E2F8: variants seen among roughly 807,000 people sequenced by gnomAD.
The protein encoded by E2F8 is E2F transcription factor 8, also known as transcription factor E2F8.
E2F8 carries 35 observed loss-of-function variants against 80.8 expected under a neutral mutation model. The observed-to-expected ratio is 0.43, with a 90% CI of 0.33 to 0.57. The LOEUF (loss-of-function observed/expected upper bound fraction) is 0.57. Ranked by LOEUF, E2F8 falls within the 20% of genes least tolerant of loss-of-function variation. The pLI, the probability that E2F8 is intolerant of heterozygous loss-of-function variation, is 0.04. For synonymous variants in E2F8, 386 were observed against 395.0 expected (o/e 0.98, Z 0.27); for missense variants, 975 against 1,056.2 (o/e 0.92, Z 1.07).
At chr11:19,238,509 T>C (rs909859443) in intron 2 of E2F8, among the ~76,000 whole-genome samples, 8 of 152,244 alleles carry the variant, frequency 5.3e-5, no homozygotes, top group Non-Finnish European at 2.9e-5. Flanking sequence ...CTAATTGGAC[T>C]GACAATGTTA....
At position 19,227,072 on chromosome 11, in the gene E2F8, G is replaced by A. The variant is rs140156911; in HGVS notation, c.1894-1208C>T. ...AAAGTCTGCTTTAGCCTTACCATGA[G>A]CGGGACTGGCAAAAGCTAAAAACCG... On this transcript the variant is annotated intron_variant, in intron 10 of 12. Coordinates refer to ENST00000250024, the MANE Select transcript of E2F8 (RefSeq NM_024680.4). 7.5e-3 allele frequency among the ~76,000 whole-genome samples: 1,140 copies of A among 152,304 alleles called. 5 individuals carry two copies. The highest frequency in any genetic ancestry group is 0.01 in the Middle Eastern group (3 of 294).
chr11:19,230,139 C>G, intron 9 of E2F8, 102 bp downstream of exon 9: 1 of 1,481,670 alleles, frequency 6.7e-7, no homozygotes, highest in Admixed American at 1.9e-5. Context: ...AAGATTAGCT[C>G]TCCAGTTCAA....
In E2F8 at chr11:19,229,222, T is replaced by C. The variant is rs1051446545; in HGVS notation, c.1893+232A>G. Among the ~76,000 whole-genome samples, 3 of 152,192 alleles carry C rather than the reference T, an allele frequency of 2.0e-5. No homozygotes were observed. Among genetic ancestry groups the C allele is most frequent in the African/African-American group, 7.2e-5 (3 of 41,454 alleles). The stretch of plus-strand genomic sequence containing the variant: ...AAATGGACTTAAGGACAACCACCCA[T>C]GGTACTTTAAAAAGACAGCAAATAA... On this transcript the variant is annotated intron_variant, in intron 10 of 12. Transcript: ENST00000250024. The surrounding 1 kb of genome is among the most constrained non-coding windows in gnomAD (Gnocchi z 4.3).
At position 19,229,372 on chromosome 11, in the gene E2F8, C is replaced by T. The variant is rs1034888027; in HGVS notation, c.1893+82G>A. 7.0e-5 allele frequency: 105 copies of T among 1,507,484 alleles called. No individual in the cohort carries two copies. The highest frequency in any genetic ancestry group is 1.3e-4 in the African/African-American group (9 of 71,468). 93.4% of individuals were successfully genotyped at this position (1,507,484 alleles called of 1,614,324 possible). A position where few individuals can be genotyped will look rare whatever the true frequency, so the allele number is the denominator to read the frequency against. On this transcript the variant is annotated intron_variant, in intron 10 of 12. Coordinates refer to ENST00000250024, the MANE Select transcript of E2F8 (RefSeq NM_024680.4). This position sits in a 1 kb window ranked among gnomAD's most constrained non-coding sequence, Gnocchi z 4.3. ...CCTTGTCTTCTGAGAGAATGCTCTT[C>T]GGTAAATTTCACAAGCCACCAATCT...
chr11:19,235,957 TATG>T (rs1174139271), intron 4 of E2F8, among the ~76,000 whole-genome samples: 2 of 152,248 alleles, frequency 1.3e-5, no homozygotes, highest in Non-Finnish European at 2.9e-5. Context: ...TCATTAACAA[TATG>T]ATATTAGTAA....
intron 3 of E2F8, 103 bp from the exon 4 acceptor site, chr11:19,237,573 G>T: frequency 8.0e-7 from 1 of 1,251,748 alleles, no homozygotes; most frequent in South Asian, 1.5e-5. Flanking sequence ...CACACGCTTA[G>T]CTTCAACAGC....
Position 19,224,647 on chromosome 11 carries a change from A to T in E2F8, c.*11T>A. 1.2e-6 allele frequency: 2 copies of T among 1,611,894 alleles called. No homozygotes were observed. ...CTCTTTAGAAAATTAAACTAAGCCA[A>T]CATCTGTTGATTAATGGACATCCTC... On this transcript the variant is annotated 3_prime_UTR_variant, in exon 13 of 13. Transcript: ENST00000250024.
chr11:19,226,660 G>A (rs1851244538), intron 10 of E2F8, among the ~76,000 whole-genome samples: 1 of 152,126 alleles, frequency 6.6e-6, no homozygotes, highest in Admixed American at 6.5e-5. Context: ...TGCTACAATG[G>A]CAGAGTTGAC....
rs1851572216 is a variant in E2F8, at chr11:19,238,126, G to A, written c.22C>T (p.Leu8Phe). The A allele has an allele frequency of 6.2e-7, 1 of 1,600,496 alleles. No individual in the cohort carries two copies. The highest frequency in any genetic ancestry group is 8.5e-7 in the Non-Finnish European group (1 of 1,174,812). The change falls in exon 3 of 13, where the codon CTC (leucine) becomes TTC (phenylalanine). Residue 8 changes from leucine to phenylalanine, a missense_variant. Coordinates refer to ENST00000250024, the MANE Select transcript of E2F8 (RefSeq NM_024680.4). ...CCCCTTTTATGTGGCTCACAAAAGA[G>A]ATTTTCCTGGTTTAAAAAATGTAAA... MENEKEN[L>F]FCEPHKRGLM...
In E2F8 at chr11:19,229,706, G is replaced by A. The variant is rs1590124102; in HGVS notation, c.1641C>T (p.Thr547=). 1.2e-6 allele frequency: 2 copies of A among 1,614,172 alleles called. No individual in the cohort carries two copies. Among genetic ancestry groups the A allele is most frequent in the East Asian group, 4.5e-5 (2 of 44,888 alleles). Residue 547 remains threonine, a synonymous_variant, in exon 10 of 13, where the codon ACC becomes ACT. Coordinates refer to ENST00000250024, the MANE Select transcript of E2F8 (RefSeq NM_024680.4). The surrounding 1 kb of genome is among the most constrained non-coding windows in gnomAD (Gnocchi z 4.3). ...TTGAGCCAGTAGCTTTAGAAGAGTG[G>A]GTGGTGCACACCGTTGGGCTCAGGC... is the stretch of plus-strand genomic sequence containing the variant. ...PQGLSPTVCT[T]HSSKATGSKD... is the part of the protein sequence containing the mutation.
Position 19,237,476 on chromosome 11 carries a change from A to G in E2F8, c.295-6T>C. The G allele has an allele frequency of 6.2e-7, 1 of 1,611,912 alleles. No homozygotes were observed. Among genetic ancestry groups the G allele is most frequent in the Non-Finnish European group, 8.5e-7 (1 of 1,179,278 alleles). The stretch of plus-strand genomic sequence containing the variant: ...TCATCTCCAGATAAGTGTTCCTACA[A>G]AGGAAAAGGTAAACAATGTCTTATT... On this transcript the variant is annotated splice_region_variant and splice_polypyrimidine_tract_variant and intron_variant, in intron 3 of 12. Coordinates refer to ENST00000250024, the MANE Select transcript of E2F8 (RefSeq NM_024680.4).
At chr11:19,231,677 T>G (rs1346765152) in intron 7 of E2F8, among the ~76,000 whole-genome samples, 2 of 152,234 alleles carry the variant, frequency 1.3e-5, no homozygotes, top group Non-Finnish European at 2.9e-5. Flanking sequence ...GGTTCTGTTG[T>G]GGTCACTGTG....
intron 3 of E2F8, among the ~76,000 whole-genome samples, 190 bp from the exon 4 acceptor site, chr11:19,237,660 C>T (rs191300751): frequency 3.3e-5 from 5 of 152,242 alleles, no homozygotes; most frequent in East Asian, 1.9e-4. Context: ...AAGCCTGAAA[C>T]GAAAATAACG....
At position 19,237,800 on chromosome 11, in the gene E2F8, C is replaced by T; in HGVS notation, c.294+54G>A. ...GGCACTTCTCTAATAGCTACAACCT[C>T]CCCCCTCCCCCCAACAAATTCCCCA... On this transcript the variant is annotated intron_variant, in intron 3 of 12. Coordinates refer to ENST00000250024, the MANE Select transcript of E2F8 (RefSeq NM_024680.4). The T allele has an allele frequency of 1.9e-5, 29 of 1,549,852 alleles. 2 individuals are homozygous for T. In the South Asian group the frequency reaches 3.2e-4, roughly 17 times the overall value.
chr11:19,232,972 A>G (rs1053367876), intron 6 of E2F8, among the ~76,000 whole-genome samples: 2 of 152,180 alleles, frequency 1.3e-5, no homozygotes, highest in Non-Finnish European at 2.9e-5. Flanking sequence ...CAAATTACAA[A>G]TCGAGTCTCC....
At chr11:19,241,404 G>T, upstream of E2F8, 1 of 153,536 alleles carries the variant, frequency 6.5e-6, no homozygotes, top group South Asian at 1.8e-4. This position sits in a 1 kb window ranked among gnomAD's most constrained non-coding sequence, Gnocchi z 4.5. Flanking sequence ...GCGTCCCGCT[G>T]ACCTGTCAGT....
At chr11:19,228,497 A>G (rs1565067163) in intron 10 of E2F8, among the ~76,000 whole-genome samples, 1 of 152,244 alleles carries the variant, frequency 6.6e-6, no homozygotes, top group Non-Finnish European at 1.5e-5. Context: ...AAACTATCAT[A>G]TGCCCACAGG....
In E2F8 at chr11:19,237,439, G is replaced by T; in HGVS notation, c.326C>A (p.Ser109Tyr). The T allele has an allele frequency of 1.2e-6, 2 of 1,613,970 alleles. No homozygotes were observed. Among genetic ancestry groups the T allele is most frequent in the Non-Finnish European group, 1.7e-6 (2 of 1,179,964 alleles). Residue 109 changes from serine (S) to tyrosine (Y), a missense_variant, in exon 4 of 13, where the codon TCC (serine) becomes TAC (tyrosine). Transcript: ENST00000250024. The stretch of plus-strand genomic sequence containing the variant: ...ACTTTTCTCTTTTCGACTTGGTTGG[G>T]ATTTCTCAAATTCATCTCCAGATAA... ...EHLSGDEFEK[S>Y]QPSRKEKSLG...
intron 4 of E2F8, among the ~76,000 whole-genome samples, chr11:19,235,373 G>A (rs1336027150): frequency 6.6e-6 from 1 of 152,228 alleles, no homozygotes; most frequent in African/African-American, 2.4e-5. Flanking sequence ...GAAAGGCCGG[G>A]TGCGGTGGCT....
Sources: gnomAD v4.1 joint callset for allele counts (sites outside exome capture counted in the v4.1 genomes callset) on GRCh38, gnomAD v4.1.1 for gene constraint, Gnocchi (gnomAD v3.1) non-coding constraint, MANE v1.5 for transcripts, NCBI Gene and HGNC (gene_info 2026-07-23, HGNC 2026-07-21) for gene names.